GALNT17: variants seen among roughly 807,000 people sequenced by gnomAD.
The protein encoded by GALNT17 is UDP-GalNAc:polypeptide N-acetylgalactosaminyltransferase-like 3.
Under a neutral mutation model 63.7 loss-of-function variants are expected in GALNT17, and 29 were observed. The ratio of observed to expected loss-of-function variants is 0.46; its 90% CI spans 0.34 to 0.62. GALNT17 has a LOEUF of 0.62. Ranked by LOEUF, GALNT17 falls within the 20% of genes least tolerant of loss-of-function variation. The pLI, the probability that GALNT17 is intolerant of heterozygous loss-of-function variation, is 0.01. For synonymous variants in GALNT17, 305 were observed against 318.3 expected, an observed-to-expected ratio of 0.96 and a Z score of 0.45; for missense variants, 603 against 799.6, an observed-to-expected ratio of 0.75 and a Z score of 2.97.
intron 6 of GALNT17, among the ~76,000 whole-genome samples, chr7:71,595,104 G>A (rs2116924173): frequency 6.6e-6 from 1 of 152,232 alleles, no homozygotes; most frequent in South Asian, 2.1e-4. Flanking sequence ...AAGACTGATG[G>A]CCACCACCAA....
chr7:71,168,616 C>T (rs1160966511), intron 1 of GALNT17, among the ~76,000 whole-genome samples: 3 of 151,422 alleles, frequency 2.0e-5, no homozygotes, highest in South Asian at 2.1e-4. Context: ...CGTAACATGA[C>T]GTTTTTATAT....
intron 5 of GALNT17, among the ~76,000 whole-genome samples, chr7:71,475,916 G>A (rs1172810890): frequency 6.6e-6 from 1 of 151,932 alleles, no homozygotes; most frequent in Non-Finnish European, 1.5e-5. Flanking sequence ...CAAAATGCTT[G>A]GAATATATAT....
At chr7:71,188,667 C>T (rs956959782) in intron 1 of GALNT17, among the ~76,000 whole-genome samples, 3 of 151,370 alleles carry the variant, frequency 2.0e-5, no homozygotes, top group African/African-American at 7.3e-5. Flanking sequence ...AAGATTTTCT[C>T]CCAGTCTGAG....
intron 6 of GALNT17, among the ~76,000 whole-genome samples, chr7:71,624,422 A>G (rs1282282191): frequency 2.0e-5 from 3 of 152,194 alleles, no homozygotes; most frequent in Non-Finnish European, 4.4e-5. Context: ...AGGTATAATT[A>G]AGGGCTGTTT....
At chr7:71,363,935 T>G (rs756743803) in intron 2 of GALNT17, among the ~76,000 whole-genome samples, 28 of 152,222 alleles carry the variant, frequency 1.8e-4, no homozygotes, top group Non-Finnish European at 4.0e-4. Context: ...CCAGTAAGGT[T>G]ACAGTCCACT....
At chr7:71,134,073 C>G (rs570676130) in intron 1 of GALNT17, among the ~76,000 whole-genome samples, 1 of 152,160 alleles carries the variant, frequency 6.6e-6, no homozygotes, top group Non-Finnish European at 1.5e-5. Flanking sequence ...ATCTGTCCAG[C>G]GAGGCTCCAC....
intron 1 of GALNT17, among the ~76,000 whole-genome samples, chr7:71,164,055 G>A (rs953672296): frequency 6.6e-6 from 1 of 152,182 alleles, no homozygotes; most frequent in Non-Finnish European, 1.5e-5. Flanking sequence ...AGAGCTAAAC[G>A]GGTCCCAGGT....
chr7:71,361,780 T>C (rs996113079), intron 2 of GALNT17, among the ~76,000 whole-genome samples: 11 of 151,656 alleles, frequency 7.3e-5, no homozygotes, highest in Admixed American at 7.2e-4. Context: ...TGACTGCAAA[T>C]GAACTCAGAG....
At chr7:71,648,963 A>G (rs1790718390) in intron 6 of GALNT17, among the ~76,000 whole-genome samples, 1 of 152,202 alleles carries the variant, frequency 6.6e-6, no homozygotes, top group African/African-American at 2.4e-5. Context: ...GAAAGCATGA[A>G]GCCTTATGGG....
chr7:71,576,652 C>T (rs1789543105), intron 6 of GALNT17, among the ~76,000 whole-genome samples: 1 of 151,874 alleles, frequency 6.6e-6, no homozygotes, highest in Admixed American at 6.6e-5. Context: ...CTCACTGCAA[C>T]CTCCGCCTCC....
intron 1 of GALNT17, among the ~76,000 whole-genome samples, chr7:71,205,125 A>C (rs1321826032): frequency 7.8e-6 from 1 of 128,942 alleles, no homozygotes. Flanking sequence ...TAAGAATTTT[A>C]TTTTATTTTT....
intron 1 of GALNT17, among the ~76,000 whole-genome samples, chr7:71,201,839 G>A (rs967993102): frequency 1.3e-5 from 2 of 152,006 alleles, no homozygotes; most frequent in Non-Finnish European, 2.9e-5. Context: ...CACCATGTTG[G>A]CCAGGCTGGT....
chr7:71,251,545 G>A (rs149682005), intron 1 of GALNT17, among the ~76,000 whole-genome samples: 1 of 152,140 alleles, frequency 6.6e-6, no homozygotes, highest in Non-Finnish European at 1.5e-5. Context: ...AAGTAGCTAG[G>A]ACTATAGGTG....
intron 5 of GALNT17, among the ~76,000 whole-genome samples, chr7:71,423,140 A>G (rs1178630593): frequency 6.6e-6 from 1 of 152,096 alleles, no homozygotes; most frequent in African/African-American, 2.4e-5. Context: ...GGGACAGGGT[A>G]TGGTGGGCCA....
chr7:71,170,760 T>TG (rs756967822), intron 1 of GALNT17, among the ~76,000 whole-genome samples: 19 of 152,332 alleles, frequency 1.2e-4, no homozygotes, highest in Admixed American at 1.1e-3. Flanking sequence ...GGAGTTAAAT[T>TG]GCCCCCCAAA....
intron 5 of GALNT17, among the ~76,000 whole-genome samples, chr7:71,509,744 T>C (rs1481782458): frequency 6.6e-6 from 1 of 152,028 alleles, no homozygotes; most frequent in Non-Finnish European, 1.5e-5. Flanking sequence ...AGGCAGGACA[T>C]GGGAACAGAG....
intron 5 of GALNT17, among the ~76,000 whole-genome samples, chr7:71,567,671 G>T (rs1010620445): frequency 2.6e-5 from 4 of 152,122 alleles, no homozygotes; most frequent in African/African-American, 4.8e-5. Flanking sequence ...CACCATGTTG[G>T]TCAGGCTGGT....
chr7:71,614,106 A>T (rs1035473083), intron 6 of GALNT17, among the ~76,000 whole-genome samples: 1 of 152,142 alleles, frequency 6.6e-6, no homozygotes, highest in Non-Finnish European at 1.5e-5. Flanking sequence ...GTCACCAACA[A>T]AGTTAGTATT....
intron 9 of GALNT17, among the ~76,000 whole-genome samples, chr7:71,701,759 A>G (rs79223215): frequency 0.013 from 325 of 25,884 alleles, 7 homozygotes; most frequent in African/African-American, 0.027. Context: ...ATATGTATAT[A>G]TATGTGTATA....
Sources: gnomAD v4.1 joint callset for allele counts (sites outside exome capture counted in the v4.1 genomes callset) on GRCh38, gnomAD v4.1.1 for gene constraint, MANE v1.5 for transcripts, NCBI Gene and HGNC (gene_info 2026-07-23, HGNC 2026-07-21) for gene names.